Variants in EML6 observed in about 807,000 individuals in gnomAD.
EML6 encodes the protein EMAP like 6.
A neutral mutation model predicts 240.1 loss-of-function variants in EML6; 154 were observed. The ratio of observed to expected loss-of-function variants is 0.64; its 90% CI spans 0.56 to 0.73. The LOEUF is 0.73. Among genes scored for constraint, EML6 ranks in the 30% least tolerant of loss-of-function variants. The pLI is 0.00. For missense variants in EML6, 2,964 were observed against 2,474.6 expected (o/e 1.20, Z -4.20); for synonymous variants, 1,148 against 899.0 (o/e 1.28, Z -4.95).
intron 26 of EML6, among the ~76,000 whole-genome samples, chr2:54,917,467 C>T (rs1260670802): frequency 6.6e-6 from 1 of 150,562 alleles, no homozygotes; most frequent in South Asian, 2.1e-4. Context: ...CAGGTTCAGG[C>T]AATTCCCTGC....
intron 28 of EML6, among the ~76,000 whole-genome samples, chr2:54,930,016 G>A (rs548293784): frequency 1.3e-5 from 2 of 152,036 alleles, no homozygotes; most frequent in Admixed American, 6.5e-5. Context: ...ATGCACAGAA[G>A]TGCATGAATA....
intron 7 of EML6, among the ~76,000 whole-genome samples, chr2:54,841,837 C>A (rs553665752): frequency 3.9e-5 from 6 of 152,126 alleles, no homozygotes; most frequent in South Asian, 2.1e-4. Context: ...AAGCGATCTG[C>A]CTGCCTCAGC....
Position 54,847,591 on chromosome 2 carries a change from G to C in EML6, c.1155G>C (p.Met385Ile), listed in dbSNP as rs1267273731. Reference sequence around the variant, plus strand: ...ACGGATCTCAGCTGGCCCTGGGCATGAAGGACGGCTCTTTCATTGTTCTCC... The same window carrying C: ...ACGGATCTCAGCTGGCCCTGGGCATCAAGGACGGCTCTTTCATTGTTCTCC... The part of the protein sequence containing the change: ...SPDGSQLALG[M>I]KDGSFIVLRV... The change falls in exon 9 of 42, where the codon ATG becomes ATC. Residue 385 changes from methionine (M) to isoleucine (I), a missense_variant. Physicochemically the swap from Met to Ile is conservative, Grantham distance 10. Transcript: ENST00000356458. 1 of 1,552,370 alleles carries C rather than the reference G, an allele frequency of 6.4e-7. No individual in the cohort carries two copies. Among genetic ancestry groups the C allele is most frequent in the Non-Finnish European group, 8.7e-7 (1 of 1,147,140 alleles).
At chr2:54,887,921 A>G (rs1672241719) in intron 17 of EML6, among the ~76,000 whole-genome samples, 1 of 152,322 alleles carries the variant, frequency 6.6e-6, no homozygotes, top group Non-Finnish European at 1.5e-5. Context: ...ACATATCATT[A>G]TCACCCGAAG....
intron 2 of EML6, among the ~76,000 whole-genome samples, chr2:54,737,171 G>A (rs1470620955): frequency 2.0e-5 from 3 of 152,166 alleles, no homozygotes; most frequent in Non-Finnish European, 4.4e-5. Flanking sequence ...ATAAGAGAAT[G>A]TACTTATCTT....
At chr2:54,919,245 C>A (rs1674093645) in intron 26 of EML6, among the ~76,000 whole-genome samples, 1 of 137,038 alleles carries the variant, frequency 7.3e-6, no homozygotes. Context: ...TTTTGCTTCC[C>A]CCCCCCCCCA....
chr2:54,862,185 A>G (rs1252210448), intron 12 of EML6, among the ~76,000 whole-genome samples: 1 of 151,766 alleles, frequency 6.6e-6, no homozygotes, highest in Non-Finnish European at 1.5e-5. Context: ...CTAAAAATAC[A>G]AAAATTAGCC....
intron 35 of EML6, 47 bp from the exon 36 acceptor site, chr2:54,962,476 G>C: frequency 7.1e-7 from 1 of 1,411,734 alleles, no homozygotes; most frequent in Non-Finnish European, 9.6e-7. Flanking sequence ...TATGAGTGCA[G>C]TCATACAGTA....
At chr2:54,738,728 A>G (rs1683506471) in intron 2 of EML6, among the ~76,000 whole-genome samples, 1 of 152,196 alleles carries the variant, frequency 6.6e-6, no homozygotes, top group African/African-American at 2.4e-5. Flanking sequence ...TTGTGTTTCT[A>G]CATGCTTATT....
intron 2 of EML6, among the ~76,000 whole-genome samples, chr2:54,744,054 G>C (rs1339391419): frequency 6.6e-6 from 1 of 151,434 alleles, no homozygotes; most frequent in Non-Finnish European, 1.5e-5. Flanking sequence ...TGAGGTCACA[G>C]TTAGGATGAA....
chr2:54,844,224 C>G lies in EML6; in HGVS notation c.1025C>G (p.Thr342Arg). ...ALHPKKPLAVTGSDDRSVRLW... is the reference protein window; with the variant it reads ...ALHPKKPLAVRGSDDRSVRLW... The stretch of plus-strand genomic sequence containing the variant: ...CACCCCAAGAAGCCTCTGGCTGTGA[C>G]AGGCAGCGATGACCGCTCTGTCAGG... Residue 342 changes from threonine to arginine, a missense_variant, in exon 8 of 42, where the codon ACA (threonine) becomes AGA (arginine). By Grantham distance (71) the Thr-to-Arg change is moderately conservative. Coordinates refer to ENST00000356458, the MANE Select transcript of EML6 (RefSeq NM_001039753.4). 1 of 1,551,700 alleles carries G rather than the reference C, an allele frequency of 6.4e-7. No individual in the cohort carries two copies. Among genetic ancestry groups the G allele is most frequent in the East Asian group, 2.4e-5 (1 of 40,920 alleles).
intron 8 of EML6, among the ~76,000 whole-genome samples, chr2:54,845,472 T>C (rs926680808): frequency 1.4e-4 from 22 of 152,252 alleles, no homozygotes; most frequent in African/African-American, 5.3e-4. Flanking sequence ...TGCCAGAATC[T>C]TATTCCCTTT....
Position 54,866,751 on chromosome 2 carries a change from C to T in EML6, c.1933-15C>T, listed in dbSNP as rs1015268711. ...TGAAAGGCATCTCACCCAGATGTTT[C>T]TGTTGTACTTTAAGGTTTACAAAGA... On this transcript the variant is annotated splice_polypyrimidine_tract_variant and intron_variant, in intron 13 of 41. Coordinates refer to ENST00000356458, the MANE Select transcript of EML6 (RefSeq NM_001039753.4). 13 of 1,490,756 alleles carry T rather than the reference C, an allele frequency of 8.7e-6. No homozygotes were observed. In the African/African-American group the frequency reaches 1.4e-4, roughly 16 times the overall value. The allele number at this position is 1,490,756 out of a possible 1,614,324, so 92.3% of individuals were successfully genotyped here.
At chr2:54,878,593 G>A (rs1671646509) in intron 16 of EML6, among the ~76,000 whole-genome samples, 1 of 152,082 alleles carries the variant, frequency 6.6e-6, no homozygotes, top group Admixed American at 6.6e-5. Flanking sequence ...CAATTTTTGG[G>A]AAAATAACCT....
intron 6 of EML6, 50 bp from the exon 7 acceptor site, chr2:54,829,292 T>C: frequency 6.6e-7 from 1 of 1,519,628 alleles, no homozygotes; most frequent in Non-Finnish European, 8.9e-7. Context: ...TATCTATTCA[T>C]TATACTTAGG....
intron 28 of EML6, among the ~76,000 whole-genome samples, chr2:54,933,297 C>T (rs2104412590): frequency 6.6e-6 from 1 of 152,288 alleles, no homozygotes; most frequent in Admixed American, 6.5e-5. Flanking sequence ...CACCTGCCAC[C>T]ATAGACTAGC....
intron 10 of EML6, chr2:54,850,452 A>C (rs1387556436): frequency 1.1e-5 from 5 of 462,614 alleles, no homozygotes; most frequent in Non-Finnish European, 1.9e-5. Flanking sequence ...GTTGCTGCAC[A>C]ACAAGGGAGA....
chr2:54,826,148 C>T (rs1299521443), intron 5 of EML6, among the ~76,000 whole-genome samples: 1 of 152,166 alleles, frequency 6.6e-6, no homozygotes, highest in Non-Finnish European at 1.5e-5. Flanking sequence ...TTTCTAACCC[C>T]ATTGAACCCT....
At chr2:54,796,372 A>G (rs1572909985) in intron 2 of EML6, among the ~76,000 whole-genome samples, 2 of 152,338 alleles carry the variant, frequency 1.3e-5, no homozygotes, top group East Asian at 3.9e-4. Context: ...ATTTCTTCAG[A>G]GAATCCATTT....
Sources: gnomAD v4.1 joint callset for allele counts (sites outside exome capture counted in the v4.1 genomes callset) on GRCh38, gnomAD v4.1.1 for gene constraint, MANE v1.5 for transcripts, NCBI Gene and HGNC (gene_info 2026-07-23, HGNC 2026-07-21) for gene names.